Variants in PLCG2 observed in about 807,000 individuals in gnomAD.
PLCG2 encodes 1-phosphatidylinositol 4,5-bisphosphate phosphodiesterase gamma-2.
In PLCG2, 69 loss-of-function variants were observed where a neutral mutation model predicts 175.6. The observed-to-expected ratio is 0.39, with a 90% CI of 0.32 to 0.48. The LOEUF is 0.48. Ranked by LOEUF, PLCG2 falls within the 20% of genes least tolerant of loss-of-function variation. The pLI, the probability that PLCG2 is intolerant of heterozygous loss-of-function variation, is 0.91. For synonymous variants in PLCG2, 827 were observed against 624.0 expected, an observed-to-expected ratio of 1.33 and a Z score of -4.85; for missense variants, 1,798 against 1,650.9, an observed-to-expected ratio of 1.09 and a Z score of -1.54.
At chr16:81,754,661 T>C (rs1294176404) in intron 1 of PLCG2, among the ~76,000 whole-genome samples, 3 of 151,092 alleles carry the variant, frequency 2.0e-5, no homozygotes, top group African/African-American at 7.3e-5. Flanking sequence ...TGGGGCCCCA[T>C]GGCAGAGCTC....
upstream of PLCG2, among the ~76,000 whole-genome samples, chr16:81,777,533 G>T (rs548455920): frequency 6.6e-6 from 1 of 151,352 alleles, no homozygotes; most frequent in African/African-American, 2.4e-5. Flanking sequence ...AGTGGTTGAT[G>T]TCATAATGAG....
chr16:81,946,905 CAGACCCT>C, intron 31 of PLCG2, among the ~76,000 whole-genome samples: 1 of 17,960 alleles, frequency 5.6e-5, no homozygotes. Context: ...CTTAGTGAAG[CAGACCCT>C]TTGCTTAGTG....
chr16:81,747,967 C>T lies in PLCG2; in HGVS notation c.-144-7903C>T, dbSNP rs181108492. On this transcript the variant is annotated intron_variant, in intron 1 of 5. Transcript: ENST00000565054. ...TTGGGTCACTGCAACCTCTGCGTCCCAGGTTCAAGTGATTCTCCTGCCTCG... is the reference window on the plus strand; with the variant it reads ...TTGGGTCACTGCAACCTCTGCGTCCTAGGTTCAAGTGATTCTCCTGCCTCG... 2.5e-3 allele frequency among the ~76,000 whole-genome samples: 376 copies of T among 152,194 alleles called. 2 individuals carry two copies. The highest frequency in any genetic ancestry group is 8.4e-3 in the African/African-American group (347 of 41,542).
At chr16:81,754,488 C>T (rs530319658) in intron 1 of PLCG2, among the ~76,000 whole-genome samples, 3 of 97,992 alleles carry the variant, frequency 3.1e-5, no homozygotes, top group African/African-American at 1.3e-4. Context: ...ACCTCATTCC[C>T]CTCCTTTCCC....
At chr16:81,820,245 T>A (rs375093569) in intron 2 of PLCG2, among the ~76,000 whole-genome samples, 17 of 152,294 alleles carry the variant, frequency 1.1e-4, no homozygotes, top group East Asian at 7.7e-4. Flanking sequence ...ACCACCCTAA[T>A]TGAGACACAG....
At chr16:81,891,430 C>A in intron 10 of PLCG2, 42 bp from the exon 11 acceptor site, 3 of 1,085,692 alleles carry the variant, frequency 2.8e-6, no homozygotes, top group Middle Eastern at 2.0e-4. Context: ...ACCATCCTGC[C>A]CGTCAACGTG....
chr16:81,842,088 G>T (rs1247884887), intron 2 of PLCG2, among the ~76,000 whole-genome samples: 1 of 152,216 alleles, frequency 6.6e-6, no homozygotes, highest in Non-Finnish European at 1.5e-5. Context: ...TACAGCGGAG[G>T]AAACAGCAAA....
chr16:81,855,922 C>T lies in PLCG2; in HGVS notation c.337+1335C>T, dbSNP rs940521025. 6.6e-5 allele frequency among the ~76,000 whole-genome samples: 10 copies of T among 152,236 alleles called. No homozygotes were observed. The East Asian group carries it at 9.6e-4, about 15-fold the overall frequency. On this transcript the variant is annotated intron_variant, in intron 3 of 32. Coordinates refer to ENST00000564138, the MANE Select transcript of PLCG2 (RefSeq NM_002661.5). The stretch of plus-strand genomic sequence containing the variant: ...AGAGATGGGGTAGGAGGGCAAGGCC[C>T]GTGGCGGTGAAGCTTCACACCTCTG...
intron 2 of PLCG2, among the ~76,000 whole-genome samples, chr16:81,793,947 A>G (rs892216752): frequency 2.0e-5 from 3 of 152,172 alleles, no homozygotes; most frequent in Non-Finnish European, 4.4e-5. Flanking sequence ...TCTTCTCCTA[A>G]ATGATCTCAA....
chr16:81,800,939 C>T (rs989483753), intron 2 of PLCG2, among the ~76,000 whole-genome samples: 1 of 152,078 alleles, frequency 6.6e-6, no homozygotes, highest in Non-Finnish European at 1.5e-5. Context: ...CACCAGCTGG[C>T]TCTGAAGATG....
chr16:81,868,055 G>A (rs1168696451), intron 5 of PLCG2, among the ~76,000 whole-genome samples: 12 of 152,192 alleles, frequency 7.9e-5, no homozygotes, highest in Non-Finnish European at 1.5e-4. Flanking sequence ...AAACACTCAT[G>A]CAGATTCCTG....
intron 20 of PLCG2, among the ~76,000 whole-genome samples, chr16:81,920,581 G>A (rs1346437418): frequency 6.6e-6 from 1 of 152,156 alleles, no homozygotes; most frequent in African/African-American, 2.4e-5. Flanking sequence ...AGCAGTGAAT[G>A]GGATCTGGGG....
Position 81,889,902 on chromosome 16 carries a change from G to A in PLCG2, c.867+629G>A, listed in dbSNP as rs780147730. On this transcript the variant is annotated intron_variant, in intron 10 of 32. Transcript: ENST00000564138. ...ACTTCCTGACCCTTGTGATCAGCCC[G>A]CCTCAGCTTCCCAAAGTACTGGGAT... 2.7e-4 allele frequency among the ~76,000 whole-genome samples: 41 copies of A among 152,108 alleles called. 1 individual carries two copies. Among genetic ancestry groups the A allele is most frequent in the Non-Finnish European group, 8.8e-5 (6 of 68,024 alleles).
intron 2 of PLCG2, among the ~76,000 whole-genome samples, chr16:81,816,150 C>T (rs1904537904): frequency 6.6e-6 from 1 of 151,874 alleles, no homozygotes; most frequent in Admixed American, 6.6e-5. Flanking sequence ...GCAGGAGGAT[C>T]ACTTGAGGTC....
intron 22 of PLCG2, among the ~76,000 whole-genome samples, chr16:81,925,074 G>C (rs551872653): frequency 6.6e-6 from 1 of 152,160 alleles, no homozygotes; most frequent in Non-Finnish European, 1.5e-5. Flanking sequence ...TCCAAATCAC[G>C]GTTTTCCATT....
At chr16:81,911,706 G>A (rs1909631322) in intron 18 of PLCG2, among the ~76,000 whole-genome samples, 1 of 151,112 alleles carries the variant, frequency 6.6e-6, no homozygotes, top group African/African-American at 2.4e-5. Context: ...TGCCTCCCAG[G>A]TTCAAGAGAT....
At chr16:81,877,225 C>T (rs186574115) in intron 7 of PLCG2, among the ~76,000 whole-genome samples, 16 of 152,306 alleles carry the variant, frequency 1.1e-4, no homozygotes, top group East Asian at 9.7e-4. Context: ...GAGGCCAAGG[C>T]GGGCGGATCG....
At chr16:81,821,497 TGA>T (rs1267799749) in intron 2 of PLCG2, among the ~76,000 whole-genome samples, 2 of 152,200 alleles carry the variant, frequency 1.3e-5, no homozygotes, top group African/African-American at 4.8e-5. Flanking sequence ...GGTGATCGGC[TGA>T]CAGGCAGCCG....
intron 5 of PLCG2, among the ~76,000 whole-genome samples, chr16:81,866,997 T>C (rs781486470): frequency 6.6e-6 from 1 of 152,240 alleles, no homozygotes; most frequent in Non-Finnish European, 1.5e-5. Flanking sequence ...GGACTTTTTC[T>C]GCCCTCAAGG....
Sources: gnomAD v4.1 joint callset for allele counts (sites outside exome capture counted in the v4.1 genomes callset) on GRCh38, gnomAD v4.1.1 for gene constraint, MANE v1.5 for transcripts, NCBI Gene and HGNC (gene_info 2026-07-23, HGNC 2026-07-21) for gene names.